RTTN: variants seen among roughly 807,000 people sequenced by gnomAD.
RTTN encodes rotatin.
A neutral mutation model predicts 269.2 loss-of-function variants in RTTN; 182 were observed. The ratio of observed to expected loss-of-function variants is 0.68; its 90% CI spans 0.60 to 0.76. RTTN has a LOEUF of 0.76. Ranked by LOEUF, RTTN falls within the 30% of genes least tolerant of loss-of-function variation. RTTN has a pLI of 0.00. For synonymous variants in RTTN, 1,006 were observed against 963.5 expected, an observed-to-expected ratio of 1.04 and a Z score of -0.82; for missense variants, 2,545 against 2,608.6, an observed-to-expected ratio of 0.98 and a Z score of 0.53.
intron 32 of RTTN, among the ~76,000 whole-genome samples, chr18:70,083,110 C>T (rs2058613509): frequency 6.6e-6 from 1 of 152,128 alleles, no homozygotes; most frequent in South Asian, 2.1e-4. Flanking sequence ...CAAAGACTGA[C>T]ACAGCAGGAA....
intron 39 of RTTN, among the ~76,000 whole-genome samples, 167 bp downstream of exon 39, chr18:70,051,244 G>A (rs542881420): frequency 6.6e-6 from 1 of 152,166 alleles, no homozygotes; most frequent in South Asian, 2.1e-4. Context: ...TGCATTTTTG[G>A]GGGGCTCAAG....
chr18:70,089,393 T>C (rs1404972904), intron 30 of RTTN, among the ~76,000 whole-genome samples: 2 of 152,232 alleles, frequency 1.3e-5, no homozygotes, highest in South Asian at 2.1e-4. Context: ...ACCAACCATG[T>C]TGACACTCTG....
At chr18:70,192,169 A>G (rs538419774) in intron 8 of RTTN, among the ~76,000 whole-genome samples, 1 of 152,212 alleles carries the variant, frequency 6.6e-6, no homozygotes, top group Non-Finnish European at 1.5e-5. Flanking sequence ...AACACCATAC[A>G]CACAGCAGGT....
At chr18:70,188,703 T>C (rs2061602619) in intron 9 of RTTN, among the ~76,000 whole-genome samples, 1 of 152,146 alleles carries the variant, frequency 6.6e-6, no homozygotes, top group East Asian at 1.9e-4. Context: ...TAAATGAACA[T>C]GCTAACATTT....
rs141356189 is a variant in RTTN at position 70,145,472 on chromosome 18, C to T, written c.2481+140G>A. ...ATCTAGAAGCCAGATAAAGCCAGAA[C>T]ACAATTTCAAACCAGCCCTGAATCC... On this transcript the variant is annotated intron_variant, in intron 18 of 48. Transcript: ENST00000640769. The T allele has an allele frequency of 9.9e-5, 60 of 608,012 alleles. No individual in the cohort carries two copies. The African/African-American group carries it at 1.0e-3, about 10-fold the overall frequency. The allele number at this position is 608,012 out of a possible 1,614,324, so 37.7% of individuals were successfully genotyped here. A position where few individuals can be genotyped will look rare whatever the true frequency, so the allele number is the denominator to read the frequency against.
At chr18:70,021,835 T>C (rs17081991) in intron 44 of RTTN, among the ~76,000 whole-genome samples, 5,490 of 152,200 alleles carry the variant, frequency 0.036, 345 homozygotes, top group African/African-American at 0.13. Flanking sequence ...TGGCAGATTA[T>C]TCAAAGGAAT....
intron 10 of RTTN, among the ~76,000 whole-genome samples, chr18:70,184,716 TTGTG>T (rs1555776912): frequency 2.6e-3 from 86 of 33,192 alleles, no homozygotes; most frequent in African/African-American, 3.0e-3. Context: ...TTTTTTTTTT[TTGTG>T]TGTGTGTGTG....
At position 70,166,984 on chromosome 18, in the gene RTTN, C is replaced by A. The variant is rs1047373096; in HGVS notation, c.1737G>T (p.Leu579Phe). ...AATGCTGATGATAGGAAAAGCTACG[C>A]AAGGCTTGGTCTGCCAGCTCCACTA... ...LELVELADQALRSFSYHQHFP... is the reference protein window; with the variant it reads ...LELVELADQAFRSFSYHQHFP... The change falls in exon 13 of 49, where the codon TTG becomes TTT. Residue 579 changes from leucine to phenylalanine, a missense_variant. By Grantham distance (22) the Leu-to-Phe change is conservative. Transcript: ENST00000640769. 4 of 1,613,856 alleles carry A rather than the reference C, an allele frequency of 2.5e-6. No homozygotes were observed. The highest frequency in any genetic ancestry group is 3.4e-6 in the Non-Finnish European group (4 of 1,179,862).
chr18:70,122,612 CCA>C (rs2059767971), intron 25 of RTTN, among the ~76,000 whole-genome samples: 2 of 152,112 alleles, frequency 1.3e-5, no homozygotes, highest in South Asian at 4.1e-4. Context: ...AGTCGTTTTT[CCA>C]CAGTCACACG....
At chr18:70,159,086 T>C (rs1052374978) in intron 14 of RTTN, among the ~76,000 whole-genome samples, 4 of 152,108 alleles carry the variant, frequency 2.6e-5, no homozygotes, top group African/African-American at 9.7e-5. Context: ...CCTGACCAAA[T>C]GGACCTAGGA....
chr18:70,095,903 C>A (rs1006505583), intron 28 of RTTN, among the ~76,000 whole-genome samples: 7 of 152,020 alleles, frequency 4.6e-5, no homozygotes, highest in African/African-American at 1.7e-4. Flanking sequence ...CAATTTGGTC[C>A]ATTCTCCCTG....
intron 12 of RTTN, among the ~76,000 whole-genome samples, chr18:70,168,201 C>A (rs140026906): frequency 1.1e-4 from 17 of 152,092 alleles, no homozygotes; most frequent in Non-Finnish European, 2.1e-4. Flanking sequence ...ATCCCTAATT[C>A]TTCAAGATCT....
intron 30 of RTTN, among the ~76,000 whole-genome samples, chr18:70,090,775 A>C (rs1366927274): frequency 6.6e-6 from 1 of 152,118 alleles, no homozygotes; most frequent in Non-Finnish European, 1.5e-5. Flanking sequence ...CTGCCCTTGA[A>C]GACAGCTTTA....
At chr18:70,065,987 T>G in intron 34 of RTTN, 65 bp from the exon 35 acceptor site, 1 of 1,124,012 alleles carries the variant, frequency 8.9e-7, no homozygotes, top group South Asian at 1.8e-5. Context: ...ACAGGCAACA[T>G]ACACACAAGA....
chr18:70,059,904 G>T lies in RTTN; in HGVS notation c.4886C>A (p.Pro1629His). 1 of 1,613,364 alleles carries T rather than the reference G, an allele frequency of 6.2e-7. No individual in the cohort carries two copies. Among genetic ancestry groups the T allele is most frequent in the Non-Finnish European group, 8.5e-7 (1 of 1,179,586 alleles). The change falls in exon 36 of 49, where the codon CCC becomes CAC. Residue 1629 changes from proline to histidine, a missense_variant. Pro to His is a moderately conservative substitution (Grantham distance 77, BLOSUM62 -2). Transcript: ENST00000640769. ...SLLDNLLTIA[P>H]RDTAKAFRQA... Reference sequence around the variant, plus strand: ...TCGAAAAGCCTTTGCAGTGTCTCTGGGAGCAATCGTCAAGAGGTTGTCCAA... The same window carrying T: ...TCGAAAAGCCTTTGCAGTGTCTCTGTGAGCAATCGTCAAGAGGTTGTCCAA...
chr18:70,171,560 T>C (rs974507213), intron 11 of RTTN, among the ~76,000 whole-genome samples: 1 of 152,222 alleles, frequency 6.6e-6, no homozygotes, highest in Admixed American at 6.5e-5. Flanking sequence ...AATCTTTACA[T>C]GGCCCAATGG....
At chr18:70,140,328 G>C (rs926082576) in intron 19 of RTTN, 140 bp from the exon 20 acceptor site, 5 of 564,484 alleles carry the variant, frequency 8.9e-6, no homozygotes, top group African/African-American at 2.0e-5. Flanking sequence ...ATAAGAGTAT[G>C]AAACTTTTAA....
chr18:70,075,614 C>A, intron 32 of RTTN, 73 bp from the exon 33 acceptor site: 1 of 1,245,698 alleles, frequency 8.0e-7, no homozygotes, highest in Non-Finnish European at 1.1e-6. Flanking sequence ...TCCATTGTCT[C>A]CTCTCGAGGA....
At chr18:70,034,866 T>C (rs2057123459) in intron 40 of RTTN, among the ~76,000 whole-genome samples, 1 of 152,156 alleles carries the variant, frequency 6.6e-6, no homozygotes, top group Admixed American at 6.5e-5. Flanking sequence ...ACAAAATCAA[T>C]GTGCAAAAGT....
Sources: gnomAD v4.1 joint callset for allele counts (sites outside exome capture counted in the v4.1 genomes callset) on GRCh38, gnomAD v4.1.1 for gene constraint, MANE v1.5 for transcripts, NCBI Gene and HGNC (gene_info 2026-07-23, HGNC 2026-07-21) for gene names.